Variants in ADARB2 observed in about 807,000 individuals in gnomAD.
ADARB2 encodes adenosine deaminase RNA specific B2 (inactive), also known as inactive double-stranded RNA-specific editase B2.
In ADARB2, 25 loss-of-function variants were observed where a neutral mutation model predicts 62.2. That is an observed-to-expected ratio of 0.40 (90% CI 0.29 to 0.56). The LOEUF (loss-of-function observed/expected upper bound fraction) is 0.56. Among genes scored for constraint, ADARB2 ranks in the 20% least tolerant of loss-of-function variants. The probability of loss-of-function intolerance (pLI) is 0.43; values close to 1 mark genes in which losing one functional copy is unlikely to be tolerated. For missense variants in ADARB2, 1,071 were observed against 1,077.4 expected (o/e 0.99, Z 0.08); for synonymous variants, 572 against 500.8 (o/e 1.14, Z -1.90).
intron 3 of ADARB2, among the ~76,000 whole-genome samples, chr10:1,295,192 C>T (rs1343228582): frequency 2.6e-5 from 4 of 152,066 alleles, no homozygotes; most frequent in African/African-American, 7.2e-5. Context: ...TGACGTTTGT[C>T]GCTGTTGGTT....
chr10:1,350,177 T>C (rs1047017789), intron 3 of ADARB2, among the ~76,000 whole-genome samples: 12 of 152,146 alleles, frequency 7.9e-5, no homozygotes, highest in Non-Finnish European at 1.8e-4. Context: ...TCCTACAAGA[T>C]CTAAATAATT....
At chr10:1,515,956 A>C (rs1413526303) in intron 1 of ADARB2, among the ~76,000 whole-genome samples, 1 of 152,220 alleles carries the variant, frequency 6.6e-6, no homozygotes, top group Non-Finnish European at 1.5e-5. Flanking sequence ...TGGAGTGTGC[A>C]GTGCTAAGAT....
intron 1 of ADARB2, among the ~76,000 whole-genome samples, chr10:1,576,238 A>T (rs182365873): frequency 2.4e-4 from 35 of 145,600 alleles, no homozygotes; most frequent in Admixed American, 1.6e-3. Context: ...TCAGGGTCAC[A>T]GGAGGTGGCT....
At chr10:1,401,379 G>C (rs952839698) in intron 1 of ADARB2, among the ~76,000 whole-genome samples, 2 of 152,174 alleles carry the variant, frequency 1.3e-5, no homozygotes, top group Non-Finnish European at 2.9e-5. Context: ...GGGAAGCCTG[G>C]GTCCTCTCCC....
At chr10:1,539,892 C>G (rs890099348) in intron 1 of ADARB2, among the ~76,000 whole-genome samples, 1 of 152,102 alleles carries the variant, frequency 6.6e-6, no homozygotes, top group Non-Finnish European at 1.5e-5. Flanking sequence ...GGTATTGGGT[C>G]GGAAGTAGCT....
chr10:1,208,590 G>A (rs1837101785), intron 7 of ADARB2, among the ~76,000 whole-genome samples: 1 of 152,224 alleles, frequency 6.6e-6, no homozygotes, highest in Admixed American at 6.5e-5. Flanking sequence ...GGTGCCTCAG[G>A]GACATGGGAC....
At chr10:1,512,034 C>T (rs1831943317) in intron 1 of ADARB2, among the ~76,000 whole-genome samples, 1 of 151,976 alleles carries the variant, frequency 6.6e-6, no homozygotes, top group Non-Finnish European at 1.5e-5. Flanking sequence ...ATGCTGTCTA[C>T]ACTGGATGTC....
At chr10:1,576,107 T>C (rs2999398) in intron 1 of ADARB2, among the ~76,000 whole-genome samples, 24 of 48,088 alleles carry the variant, frequency 5.0e-4, no homozygotes, top group Non-Finnish European at 6.9e-4. Flanking sequence ...GGGAGGGGGC[T>C]CAGAGTCACA....
intron 3 of ADARB2, among the ~76,000 whole-genome samples, chr10:1,293,955 G>A (rs1485260846): frequency 6.6e-6 from 1 of 152,070 alleles, no homozygotes; most frequent in African/African-American, 2.4e-5. Context: ...ACAAAAGACA[G>A]CATCTGTGGC....
chr10:1,653,502 T>C lies in ADARB2; in HGVS notation c.100+83549A>G, dbSNP rs571304746. Among the ~76,000 whole-genome samples, 506 of 126,348 alleles carry C rather than the reference T, an allele frequency of 4.0e-3. 3 individuals are homozygous for C. Among genetic ancestry groups the C allele is most frequent in the African/African-American group, 0.018 (463 of 26,170 alleles). The allele number at this position is 126,348 out of a possible 152,430, so 82.9% of individuals were successfully genotyped here. On this transcript the variant is annotated intron_variant, in intron 1 of 9. Coordinates refer to ENST00000381312, the MANE Select transcript of ADARB2 (RefSeq NM_018702.4). ...GGTCAGCGCTCTCCACCCGACGCCT[T>C]GTGTGCCTGCAGAGCCGCAGTCTCC...
At chr10:1,666,158 C>T (rs1588344705) in intron 1 of ADARB2, among the ~76,000 whole-genome samples, 2 of 152,206 alleles carry the variant, frequency 1.3e-5, no homozygotes, top group South Asian at 2.1e-4. Context: ...ACGAGAGGTG[C>T]GCACAAGGGT....
chr10:1,441,328 T>C lies in ADARB2; in HGVS notation c.101-62168A>G, dbSNP rs188301297. Among the ~76,000 whole-genome samples the C allele has an allele frequency of 2.9e-4, 44 of 152,376 alleles. 1 individual carries two copies. In the East Asian group the frequency reaches 8.1e-3, roughly 28 times the overall value. On this transcript the variant is annotated intron_variant, in intron 1 of 9. Transcript: ENST00000381312. ...TATCTGCTGTTTTTATTGTTTTTGC[T>C]TCAGATGCACTGTTTTTAACATAAG...
At chr10:1,678,536 C>T (rs1174315518) in intron 1 of ADARB2, among the ~76,000 whole-genome samples, 1 of 151,994 alleles carries the variant, frequency 6.6e-6, no homozygotes, top group African/African-American at 2.4e-5. Flanking sequence ...TGGCTCTCTC[C>T]TTTTCAAGTC....
intron 1 of ADARB2, among the ~76,000 whole-genome samples, chr10:1,539,907 T>G (rs1001457572): frequency 2.6e-5 from 4 of 152,228 alleles, no homozygotes; most frequent in Admixed American, 6.5e-5. Context: ...GTAGCTATGT[T>G]TAGAAGGCAA....
chr10:1,415,962 A>G (rs1291984171), intron 1 of ADARB2, among the ~76,000 whole-genome samples: 1 of 152,220 alleles, frequency 6.6e-6, no homozygotes, highest in Non-Finnish European at 1.5e-5. Context: ...CAGCCGTGTG[A>G]TCACAGCCTA....
At chr10:1,379,187 C>T in intron 1 of ADARB2, 27 bp from the exon 2 acceptor site, 2 of 1,562,678 alleles carry the variant, frequency 1.3e-6, no homozygotes, top group Non-Finnish European at 1.8e-6. Context: ...AGGAAATGCA[C>T]TTTTGACATG....
At chr10:1,446,954 G>A (rs1049692286) in intron 1 of ADARB2, among the ~76,000 whole-genome samples, 3 of 152,130 alleles carry the variant, frequency 2.0e-5, no homozygotes, top group Non-Finnish European at 4.4e-5. Context: ...GAATTATAGC[G>A]CTTGGGTTCT....
chr10:1,256,485 A>G (rs1268920279), intron 4 of ADARB2, among the ~76,000 whole-genome samples: 1 of 152,192 alleles, frequency 6.6e-6, no homozygotes, highest in Non-Finnish European at 1.5e-5. Flanking sequence ...GGTTACTGAG[A>G]CAATAAAAAG....
intron 1 of ADARB2, among the ~76,000 whole-genome samples, chr10:1,393,137 T>A (rs2131867044): frequency 6.6e-6 from 1 of 152,334 alleles, no homozygotes; most frequent in South Asian, 2.1e-4. Flanking sequence ...ACAGCCAAAT[T>A]TGAGCTATTG....
Sources: allele counts gnomAD v4.1 joint callset (sites outside exome capture counted in the v4.1 genomes callset), GRCh38; gene constraint gnomAD v4.1.1; transcripts MANE v1.5; gene names NCBI Gene and HGNC (gene_info 2026-07-23, HGNC 2026-07-21).